DOCK2: variants seen among roughly 807,000 people sequenced by gnomAD.
DOCK2 encodes dedicator of cytokinesis 2.
A neutral mutation model predicts 248.9 loss-of-function variants in DOCK2; 87 were observed. That is an observed-to-expected ratio of 0.35 (90% confidence interval 0.29 to 0.42). The LOEUF (loss-of-function observed/expected upper bound fraction) is 0.42, where lower values mean the gene tolerates loss of function less well. Among genes scored for constraint, DOCK2 ranks in the 10% least tolerant of loss-of-function variants. The probability of loss-of-function intolerance (pLI) is 1.00; values close to 1 mark genes in which losing one functional copy is unlikely to be tolerated. For missense variants in DOCK2, 1,747 were observed against 2,300.2 expected, an observed-to-expected ratio of 0.76 and a Z score of 4.92; for synonymous variants, 805 against 821.6, an observed-to-expected ratio of 0.98 and a Z score of 0.35.
At chr5:169,637,492 C>T (rs1581353496) in intron 1 of DOCK2, 123 bp downstream of exon 1, 3 of 1,123,474 alleles carry the variant, frequency 2.7e-6, no homozygotes, top group East Asian at 6.6e-5. Context: ...GGTCAGAGGG[C>T]GCAGCCTGCG....
In DOCK2 at chr5:169,664,881, A is replaced by G. The variant is rs950034612; in HGVS notation, c.128-4407A>G. Among the ~76,000 whole-genome samples, 19 of 152,152 alleles carry G rather than the reference A, an allele frequency of 1.2e-4. 1 individual carries two copies. The highest frequency in any genetic ancestry group is 2.9e-4 in the African/African-American group (12 of 41,440). On this transcript the variant is annotated intron_variant, in intron 2 of 51. Transcript: ENST00000520908. ...TTCCATCTGATCTCAATCTTATTAT[A>G]TATTTCAACACACAAGAAAGAAAAA...
chr5:169,997,595 C>T lies in DOCK2; in HGVS notation c.3072+1431C>T, dbSNP rs533523371. ...ACTTGAGATTAGGGAGTGGTGATGACTCTTAAGGAGCATGCTGCCTTCAAG... is the reference window on the plus strand; with the variant it reads ...ACTTGAGATTAGGGAGTGGTGATGATTCTTAAGGAGCATGCTGCCTTCAAG... On this transcript the variant is annotated intron_variant, in intron 30 of 51. Coordinates refer to ENST00000520908, the MANE Select transcript of DOCK2 (RefSeq NM_004946.3). Among the ~76,000 whole-genome samples the T allele has an allele frequency of 1.8e-3, 265 of 145,622 alleles. 1 individual carries two copies. The highest frequency in any genetic ancestry group is 2.9e-3 in the Non-Finnish European group (195 of 66,670).
Position 170,078,971 on chromosome 5 carries a change from T to C in DOCK2, c.4995-4T>C. On this transcript the variant is annotated splice_region_variant and splice_polypyrimidine_tract_variant and intron_variant, in intron 48 of 51. Transcript: ENST00000520908. ...TTTCTATTGCTGCCCCTCTGGCCTT[T>C]CAGCTTTGACCTGGAATTAGCATCA... The C allele has an allele frequency of 6.2e-7, 1 of 1,613,810 alleles. No individual in the cohort carries two copies. The highest frequency in any genetic ancestry group is 8.5e-7 in the Non-Finnish European group (1 of 1,179,798).
At chr5:169,873,817 G>C (rs181955149) in intron 27 of DOCK2, among the ~76,000 whole-genome samples, 13 of 152,300 alleles carry the variant, frequency 8.5e-5, no homozygotes, top group Non-Finnish European at 1.3e-4. Flanking sequence ...AGCACTCTCA[G>C]ACCTCCAACC....
At chr5:169,702,713 T>G in intron 14 of DOCK2, 1 of 200,756 alleles carries the variant, frequency 5.0e-6, no homozygotes, top group African/African-American at 2.4e-5. Flanking sequence ...ATTTATTTAT[T>G]TACTTTTGCT....
intron 27 of DOCK2, among the ~76,000 whole-genome samples, chr5:169,870,039 C>A (rs1321078395): frequency 2.0e-5 from 3 of 151,986 alleles, no homozygotes; most frequent in African/African-American, 7.3e-5. Flanking sequence ...TTGAGATAGT[C>A]CAGGGCATTC....
chr5:169,700,352 C>T (rs777321258), intron 13 of DOCK2, among the ~76,000 whole-genome samples: 3 of 151,940 alleles, frequency 2.0e-5, no homozygotes, highest in Non-Finnish European at 4.4e-5. Flanking sequence ...AAACACATAC[C>T]CCTTCTCCCC....
intron 34 of DOCK2, among the ~76,000 whole-genome samples, chr5:170,033,778 G>A (rs547334990): frequency 5.3e-5 from 8 of 152,280 alleles, no homozygotes; most frequent in African/African-American, 1.9e-4. Flanking sequence ...TTGGTTAAGT[G>A]AAAAGCAAAT....
intron 1 of DOCK2, among the ~76,000 whole-genome samples, chr5:169,638,253 G>C (rs964206235): frequency 5.3e-5 from 8 of 152,154 alleles, no homozygotes; most frequent in Non-Finnish European, 8.8e-5. Context: ...TTGATGCAGG[G>C]GGTCCCCAGG....
intron 27 of DOCK2, among the ~76,000 whole-genome samples, chr5:169,908,713 C>CTT (rs34261104): frequency 4.9e-4 from 52 of 105,060 alleles, no homozygotes; most frequent in Non-Finnish European, 6.9e-4. Context: ...TTTCTTTTTT[C>CTT]TTTTTTTTTT....
intron 27 of DOCK2, among the ~76,000 whole-genome samples, chr5:169,865,677 G>A (rs572878188): frequency 6.6e-6 from 1 of 152,332 alleles, no homozygotes; most frequent in South Asian, 2.1e-4. Flanking sequence ...AGGATGAGGA[G>A]CCAGCGTGGG....
intron 44 of DOCK2, among the ~76,000 whole-genome samples, chr5:170,065,813 C>A (rs1404601809): frequency 6.6e-6 from 1 of 152,136 alleles, no homozygotes; most frequent in Non-Finnish European, 1.5e-5. Flanking sequence ...ATTATGGGAG[C>A]TACAAGATGA....
In DOCK2 at chr5:169,684,287, G is replaced by T; in HGVS notation, c.698G>T (p.Arg233Ile). The change falls in exon 8 of 52, where the codon AGA becomes ATA. Residue 233 changes from arginine (R) to isoleucine (I), a missense_variant. By Grantham distance (97) the Arg-to-Ile change is moderately conservative. Around this residue, in one of 4 missense-constraint regions of DOCK2, gnomAD observed 375 missense variants for 510.9 expected, o/e 0.73. Coordinates refer to ENST00000520908, the MANE Select transcript of DOCK2 (RefSeq NM_004946.3). ...LYVFVRNFVCRIGEDAELFMS... is the reference protein window; with the variant it reads ...LYVFVRNFVCIIGEDAELFMS... ...GTGTTTGTGAGAAACTTTGTGTGCA[G>T]AATTGGGGAAGATGCTGAGCTCTTC... 6.2e-7 allele frequency: 1 copy of T among 1,614,180 alleles called. No homozygotes were observed.
intron 27 of DOCK2, among the ~76,000 whole-genome samples, chr5:169,942,927 A>G (rs1402040905): frequency 6.6e-6 from 1 of 152,182 alleles, no homozygotes; most frequent in Non-Finnish European, 1.5e-5. Flanking sequence ...TCCCTTCACA[A>G]TGTCATTAGG....
chr5:169,801,173 T>G lies in DOCK2; in HGVS notation c.2555-1885T>G, dbSNP rs1414674767. On this transcript the variant is annotated intron_variant, in intron 25 of 51. Coordinates refer to ENST00000520908, the MANE Select transcript of DOCK2 (RefSeq NM_004946.3). ...TTTTTTTTTTTTTTTTTTTTTTTTT[T>G]TTTTTTTTAGTAGACTTGGGGTTTC... is the stretch of plus-strand genomic sequence containing the variant. Among the ~76,000 whole-genome samples, 87 of 136,576 alleles carry G rather than the reference T, an allele frequency of 6.4e-4. 1 individual carries two copies. Among genetic ancestry groups the G allele is most frequent in the African/African-American group, 2.1e-3 (81 of 38,620 alleles). The allele number at this position is 136,576 out of a possible 152,430, so 89.6% of individuals were successfully genotyped here.
At chr5:169,682,017 A>G (rs1759695913) in intron 7 of DOCK2, 138 bp downstream of exon 7, 2 of 1,256,186 alleles carry the variant, frequency 1.6e-6, no homozygotes, top group South Asian at 3.7e-5. Context: ...CAGCAACCAC[A>G]TGTGTTTAAC....
At chr5:169,812,471 G>A (rs925876360) in intron 26 of DOCK2, among the ~76,000 whole-genome samples, 3 of 152,126 alleles carry the variant, frequency 2.0e-5, no homozygotes, top group East Asian at 1.9e-4. Context: ...TAAAGTGCAC[G>A]GTAAATGTAA....
intron 26 of DOCK2, among the ~76,000 whole-genome samples, chr5:169,823,206 T>C (rs1283005411): frequency 6.6e-6 from 1 of 152,210 alleles, no homozygotes; most frequent in Admixed American, 6.5e-5. Context: ...GAGGAGCTGA[T>C]ACCATTCCTT....
intron 27 of DOCK2, among the ~76,000 whole-genome samples, chr5:169,919,759 C>A (rs989785975): frequency 1.3e-5 from 2 of 152,104 alleles, no homozygotes; most frequent in Non-Finnish European, 2.9e-5. Flanking sequence ...AATGTGGGGG[C>A]AACTGGAAGC....
Sources: gnomAD v4.1 joint callset for allele counts (sites outside exome capture counted in the v4.1 genomes callset) on GRCh38, gnomAD v4.1.1 for gene constraint, gnomAD v4.1.1 regional missense constraint, MANE v1.5 for transcripts, NCBI Gene and HGNC (gene_info 2026-07-23, HGNC 2026-07-21) for gene names.